Variants in P2RY2 observed in about 807,000 individuals in gnomAD.
P2RY2 encodes purinergic receptor P2Y2, also known as P2Y purinoceptor 2.
For missense variants in P2RY2, 567 were observed against 515.7 expected (o/e 1.10, Z -0.96); for synonymous variants, 241 against 231.9 (o/e 1.04, Z -0.35).
chr11:73,227,346 C>A (rs1862308320), intron 1 of P2RY2, among the ~76,000 whole-genome samples: 1 of 149,756 alleles, frequency 6.7e-6, no homozygotes, highest in African/African-American at 2.5e-5. Context: ...ATGGTCTAGA[C>A]TGTGTGTGTG....
chr11:73,222,037 C>T (rs1004153142), intron 1 of P2RY2, among the ~76,000 whole-genome samples: 7 of 152,260 alleles, frequency 4.6e-5, no homozygotes, highest in South Asian at 2.1e-4. Flanking sequence ...AGATGAGTAG[C>T]GGGAGTTTCT....
intron 2 of P2RY2, among the ~76,000 whole-genome samples, chr11:73,230,545 T>C (rs1456753948): frequency 6.6e-6 from 1 of 152,060 alleles, no homozygotes; most frequent in Non-Finnish European, 1.5e-5. Flanking sequence ...TGGTGGAGAT[T>C]CTAGTAATTG....
At chr11:73,223,825 T>G (rs1308291358) in intron 1 of P2RY2, among the ~76,000 whole-genome samples, 2 of 152,166 alleles carry the variant, frequency 1.3e-5, no homozygotes, top group African/African-American at 4.8e-5. Context: ...GGGGTCCTGC[T>G]CTATGTTGGG....
At chr11:73,226,828 G>A (rs141992763) in intron 1 of P2RY2, among the ~76,000 whole-genome samples, 327 of 152,248 alleles carry the variant, frequency 2.1e-3, no homozygotes, top group African/African-American at 7.6e-3. Context: ...GCCAGAATTC[G>A]GGAGGGCTGG....
intron 2 of P2RY2, among the ~76,000 whole-genome samples, chr11:73,232,682 T>C (rs973561342): frequency 2.0e-5 from 3 of 152,188 alleles, no homozygotes; most frequent in Non-Finnish European, 4.4e-5. Context: ...GTGGTGGGAT[T>C]ACAGGTGTGA....
intron 2 of P2RY2, among the ~76,000 whole-genome samples, chr11:73,229,965 G>C (rs1862401681): frequency 6.6e-6 from 1 of 152,036 alleles, no homozygotes; most frequent in Admixed American, 6.5e-5. Flanking sequence ...TGTGGGATTT[G>C]ACTAGTGTCT....
rs3927803 is a variant in P2RY2 at position 73,228,192 on chromosome 11, T to A, written c.-5+17T>A. ...GCTGGTCAGGTACGTGGGGTGGGGGTGGGGGGGAGCGGGTACGCTGGCCGG... is the reference window on the plus strand; with the variant it reads ...GCTGGTCAGGTACGTGGGGTGGGGGAGGGGGGGAGCGGGTACGCTGGCCGG... On this transcript the variant is annotated intron_variant, in intron 2 of 2. Transcript: ENST00000393597. 353 of 71,970 alleles carry A rather than the reference T, an allele frequency of 4.9e-3. 20 individuals carry two copies. Among genetic ancestry groups the A allele is most frequent in the African/African-American group, 0.032 (346 of 10,770 alleles). The allele number at this position is 71,970 out of a possible 1,614,324, so 4.5% of individuals were successfully genotyped here.
intron 1 of P2RY2, among the ~76,000 whole-genome samples, chr11:73,226,803 G>A (rs1862290945): frequency 6.6e-6 from 1 of 152,176 alleles, no homozygotes; most frequent in African/African-American, 2.4e-5. Flanking sequence ...GCTCCAAGGT[G>A]AGACAAAAAC....
intron 1 of P2RY2, among the ~76,000 whole-genome samples, chr11:73,219,865 T>C (rs143294302): frequency 7.9e-5 from 12 of 152,332 alleles, no homozygotes; most frequent in African/African-American, 2.9e-4. Flanking sequence ...TGTCCTCTCC[T>C]CTGGAAAGCC....
At position 73,236,566 on chromosome 11, in the gene P2RY2, G is replaced by A; in HGVS notation, c.*1273G>A. ...CCAGGCAAAGACATGGGGCAAGAGG[G>A]CAGGGTGTGCATGAGCCATAAGCAG... On this transcript the variant is annotated 3_prime_UTR_variant, in exon 3 of 3. Coordinates refer to ENST00000393597, the MANE Select transcript of P2RY2 (RefSeq NM_002564.4). The A allele has an allele frequency of 1.0e-6, 1 of 985,380 alleles. No homozygotes were observed. Among genetic ancestry groups the A allele is most frequent in the African/African-American group, 1.7e-5 (1 of 57,354 alleles). The allele number at this position is 985,380 out of a possible 1,614,324, so 61.0% of individuals were successfully genotyped here. A position where few individuals can be genotyped will look rare whatever the true frequency, so the allele number is the denominator to read the frequency against.
Position 73,218,371 on chromosome 11 carries a change from C to A in P2RY2, c.-261C>A, listed in dbSNP as rs1862022339. 6.5e-6 allele frequency: 1 copy of A among 153,402 alleles called. No homozygotes were observed. The allele number at this position is 153,402 out of a possible 1,614,324, so 9.5% of individuals were successfully genotyped here. ...CTGCGGCTGCGGCGGGACCCGGGCA[C>A]TGGCACCCGGGAGCGGCGGCGACGG... On this transcript the variant is annotated 5_prime_UTR_variant, in exon 1 of 3. The change creates a new upstream start codon in the 5' untranslated region. Coordinates refer to ENST00000393597, the MANE Select transcript of P2RY2 (RefSeq NM_002564.4).
rs760650789 is a variant in P2RY2, at chr11:73,235,109, C to T, written c.950C>T (p.Ala317Val). 2 of 1,606,220 alleles carry T rather than the reference C, an allele frequency of 1.2e-6. No individual in the cohort carries two copies. The highest frequency in any genetic ancestry group is 8.5e-7 in the Non-Finnish European group (1 of 1,178,294). Residue 317 changes from alanine to valine, a missense_variant, in exon 3 of 3, where the codon GCC becomes GTC. Ala to Val is a moderately conservative substitution (Grantham distance 64). Coordinates refer to ENST00000393597, the MANE Select transcript of P2RY2 (RefSeq NM_002564.4). ...GCTGGGCAGAGGCTCGTACGCTTTG[C>T]CCGAGATGCCAAGCCACCCACTGGC... ...FLAGQRLVRF[A>V]RDAKPPTGPS...
At chr11:73,233,883 C>T (rs183327023) in intron 2 of P2RY2, 7 of 495,574 alleles carry the variant, frequency 1.4e-5, no homozygotes, top group African/African-American at 1.3e-4. Context: ...AACAGATGGG[C>T]ACCGTTGTGT....
chr11:73,234,388 G>A lies in P2RY2; in HGVS notation c.229G>A (p.Val77Met). 1 of 1,614,262 alleles carries A rather than the reference G, an allele frequency of 6.2e-7. No individual in the cohort carries two copies. Among genetic ancestry groups the A allele is most frequent in the Non-Finnish European group, 8.5e-7 (1 of 1,180,050 alleles). The change falls in exon 3 of 3, where the codon GTG becomes ATG. Residue 77 changes from valine (V) to methionine (M), a missense_variant. Coordinates refer to ENST00000393597, the MANE Select transcript of P2RY2 (RefSeq NM_002564.4). ...CACCACATATATGTTCCACCTGGCT[G>A]TGTCTGATGCACTGTATGCGGCCTC... Reference protein sequence around the residue: ...ASTTYMFHLAVSDALYAASLP... With the variant: ...ASTTYMFHLAMSDALYAASLP...
At chr11:73,226,667 G>T (rs947154607) in intron 1 of P2RY2, among the ~76,000 whole-genome samples, 1 of 152,290 alleles carries the variant, frequency 6.6e-6, no homozygotes, top group Non-Finnish European at 1.5e-5. Context: ...CTCAGGAGGT[G>T]CATGTTCTAT....
At chr11:73,233,834 G>A (rs1039584515) in intron 2 of P2RY2, among the ~76,000 whole-genome samples, 3 of 152,224 alleles carry the variant, frequency 2.0e-5, no homozygotes. Context: ...AGACTTCACA[G>A]GCCATATGGT....
intron 1 of P2RY2, among the ~76,000 whole-genome samples, chr11:73,220,611 C>A (rs566003677): frequency 6.6e-6 from 1 of 152,314 alleles, no homozygotes; most frequent in South Asian, 2.1e-4. Flanking sequence ...TAAAAGGAGG[C>A]CAGAACAAGT....
chr11:73,235,267 G>A lies in P2RY2; in HGVS notation c.1108G>A (p.Glu370Lys), dbSNP rs765534001. The change falls in exon 3 of 3, where the codon GAG (glutamate) becomes AAG (lysine). Residue 370 changes from glutamate to lysine, a missense_variant. Glu to Lys is a moderately conservative substitution (Grantham distance 56). Transcript: ENST00000393597. ...RRTESTPAGS[E>K]NTKDIRL Reference sequence around the variant, plus strand: ...GACAGAGTCCACGCCGGCTGGTAGCGAGAACACTAAGGACATTCGGCTGTA... The same window carrying A: ...GACAGAGTCCACGCCGGCTGGTAGCAAGAACACTAAGGACATTCGGCTGTA... 1.0e-5 allele frequency: 16 copies of A among 1,576,282 alleles called. No individual in the cohort carries two copies. Among genetic ancestry groups the A allele is most frequent in the Middle Eastern group, 1.7e-4 (1 of 5,878 alleles).
chr11:73,220,270 G>C (rs1475868601), intron 1 of P2RY2, among the ~76,000 whole-genome samples: 3 of 152,246 alleles, frequency 2.0e-5, no homozygotes, highest in African/African-American at 7.2e-5. Context: ...TAAAGACCTA[G>C]AGATTTTATC....
Sources: gnomAD v4.1 joint callset for allele counts (sites outside exome capture counted in the v4.1 genomes callset) on GRCh38, gnomAD v4.1.1 for gene constraint, MANE v1.5 for transcripts, NCBI Gene and HGNC (gene_info 2026-07-23, HGNC 2026-07-21) for gene names.